Variants in LRP1B observed in about 807,000 individuals in gnomAD.
LRP1B encodes the protein low-density lipoprotein receptor-related protein 1B.
LRP1B carries 217 observed loss-of-function variants against 556.6 expected under a neutral mutation model. The ratio of observed to expected loss-of-function variants is 0.39; its 90% confidence interval spans 0.35 to 0.44. The LOEUF is 0.44. Among genes scored for constraint, LRP1B ranks in the 20% least tolerant of loss-of-function variants. The pLI, the probability that LRP1B is intolerant of heterozygous loss-of-function variation, is 1.00. For missense variants in LRP1B, 5,053 were observed against 5,620.8 expected, an observed-to-expected ratio of 0.90 and a Z score of 3.23; for synonymous variants, 2,047 against 1,865.8, an observed-to-expected ratio of 1.10 and a Z score of -2.50.
intron 7 of LRP1B, among the ~76,000 whole-genome samples, chr2:141,148,741 A>G (rs1376852248): frequency 6.6e-6 from 1 of 152,194 alleles, no homozygotes; most frequent in African/African-American, 2.4e-5. Flanking sequence ...AGAAATGACT[A>G]TACATAAGTT....
intron 29 of LRP1B, among the ~76,000 whole-genome samples, chr2:140,842,065 T>A (rs1692125403): frequency 6.6e-6 from 1 of 152,232 alleles, no homozygotes; most frequent in Non-Finnish European, 1.5e-5. Context: ...TCAGTAGTTC[T>A]GGGGAGAGGC....
chr2:140,668,126 C>A (rs1282350596), intron 41 of LRP1B, among the ~76,000 whole-genome samples: 1 of 151,948 alleles, frequency 6.6e-6, no homozygotes, highest in East Asian at 1.9e-4. Context: ...CCCTGGCTAA[C>A]ATGGTGAAAC....
intron 5 of LRP1B, among the ~76,000 whole-genome samples, chr2:141,243,287 AG>A (rs1683949018): frequency 6.6e-6 from 1 of 152,048 alleles, no homozygotes; most frequent in Non-Finnish European, 1.5e-5. Flanking sequence ...GTTCAAGACC[AG>A]CCTGGGCAAC....
chr2:141,636,712 A>C (rs544560432), intron 2 of LRP1B, among the ~76,000 whole-genome samples: 1 of 152,172 alleles, frequency 6.6e-6, no homozygotes, highest in South Asian at 2.1e-4. Flanking sequence ...GGCTAAATGT[A>C]TGGTTTCTCT....
intron 8 of LRP1B, among the ~76,000 whole-genome samples, chr2:141,061,409 T>C (rs1428570185): frequency 1.3e-5 from 2 of 151,794 alleles, no homozygotes; most frequent in Non-Finnish European, 2.9e-5. Context: ...ATCAGATTTT[T>C]AAATATATTA....
At chr2:140,682,944 A>T (rs1240112452) in intron 41 of LRP1B, among the ~76,000 whole-genome samples, 1 of 152,310 alleles carries the variant, frequency 6.6e-6, no homozygotes, top group South Asian at 2.1e-4. Context: ...TCTGAATCTG[A>T]GTAGCTCATA....
chr2:140,358,241 GCT>G (rs921816183), intron 73 of LRP1B, 125 bp from the exon 74 acceptor site: 9 of 807,486 alleles, frequency 1.1e-5, no homozygotes, highest in African/African-American at 3.4e-5. Flanking sequence ...TTTATCTGAA[GCT>G]CTCAAGGCCA....
intron 60 of LRP1B, among the ~76,000 whole-genome samples, chr2:140,464,444 C>T (rs1227490799): frequency 6.6e-6 from 1 of 152,068 alleles, no homozygotes; most frequent in Non-Finnish European, 1.5e-5. Flanking sequence ...AATAGAAGGT[C>T]AAATATAGCC....
At chr2:141,544,908 C>T (rs116707201) in intron 2 of LRP1B, among the ~76,000 whole-genome samples, 1,849 of 152,162 alleles carry the variant, frequency 0.012, 41 homozygotes, top group African/African-American at 0.042. Flanking sequence ...TCAAGATATC[C>T]TTCTGGCTTG....
chr2:140,970,679 A>G (rs561616231), intron 18 of LRP1B, among the ~76,000 whole-genome samples: 1 of 143,078 alleles, frequency 7.0e-6, no homozygotes, highest in East Asian at 2.1e-4. Context: ...CCCCAGGATC[A>G]CCCAAGTTTT....
chr2:140,849,200 C>A (rs1394656653), intron 29 of LRP1B, among the ~76,000 whole-genome samples: 2,276 of 100,462 alleles, frequency 0.023, 115 homozygotes, highest in African/African-American at 0.089. Flanking sequence ...ACTAAAAATA[C>A]AAAAAAAAAA....
chr2:140,952,149 T>C (rs1220619025), intron 18 of LRP1B, among the ~76,000 whole-genome samples: 3 of 152,196 alleles, frequency 2.0e-5, no homozygotes, highest in Non-Finnish European at 4.4e-5. Context: ...TGCTTTCCAG[T>C]GACTGAAAGC....
chr2:140,424,483 T>C (rs939663171), intron 66 of LRP1B, among the ~76,000 whole-genome samples: 3 of 152,214 alleles, frequency 2.0e-5, no homozygotes, highest in Admixed American at 6.5e-5. Flanking sequence ...ACCATGCTTA[T>C]AGAAAATTCA....
chr2:141,701,499 T>C (rs193039010), intron 2 of LRP1B, among the ~76,000 whole-genome samples: 325 of 151,888 alleles, frequency 2.1e-3, no homozygotes, highest in South Asian at 0.011. Context: ...ACTCAGCATA[T>C]CTGGGTTCAC....
At chr2:141,440,038 T>C (rs1484945839) in intron 3 of LRP1B, among the ~76,000 whole-genome samples, 1 of 152,156 alleles carries the variant, frequency 6.6e-6, no homozygotes, top group East Asian at 1.9e-4. Context: ...CGACAACACA[T>C]AACAGCAACA....
intron 2 of LRP1B, among the ~76,000 whole-genome samples, chr2:141,708,972 C>T (rs1167320909): frequency 6.6e-6 from 1 of 152,128 alleles, no homozygotes; most frequent in Non-Finnish European, 1.5e-5. Context: ...GCTTGGTACC[C>T]AGTCTGTGGC....
intron 1 of LRP1B, among the ~76,000 whole-genome samples, chr2:142,067,269 T>C (rs1339966753): frequency 6.6e-6 from 1 of 151,512 alleles, no homozygotes; most frequent in Non-Finnish European, 1.5e-5. Context: ...AGGTAATATA[T>C]TTATAGTTTT....
At chr2:141,634,578 CTT>C (rs1235768769) in intron 2 of LRP1B, among the ~76,000 whole-genome samples, 1 of 151,898 alleles carries the variant, frequency 6.6e-6, no homozygotes, top group East Asian at 1.9e-4. Flanking sequence ...CAATGCTTCT[CTT>C]ATAAAATTTT....
chr2:141,652,185 C>A (rs1247093191), intron 2 of LRP1B, among the ~76,000 whole-genome samples: 1 of 152,174 alleles, frequency 6.6e-6, no homozygotes, highest in Non-Finnish European at 1.5e-5. Flanking sequence ...ACTACTCCCT[C>A]CTTGGGGAAT....
Sources: allele counts gnomAD v4.1 joint callset (sites outside exome capture counted in the v4.1 genomes callset), GRCh38; gene constraint gnomAD v4.1.1; transcripts MANE v1.5; gene names NCBI Gene and HGNC (gene_info 2026-07-23, HGNC 2026-07-21).